Variants in EYA4 observed in about 807,000 individuals in gnomAD.
The protein encoded by EYA4 is protein phosphatase EYA4.
In EYA4, 31 loss-of-function variants were observed where a neutral mutation model predicts 87.9. That is an observed-to-expected ratio of 0.35 (90% CI 0.27 to 0.48). EYA4 has a LOEUF of 0.48. Among genes scored for constraint, EYA4 ranks in the 20% least tolerant of loss-of-function variants. The pLI is 0.99. For missense variants in EYA4, 678 were observed against 761.4 expected, an observed-to-expected ratio of 0.89 and a Z score of 1.29; for synonymous variants, 263 against 270.6, an observed-to-expected ratio of 0.97 and a Z score of 0.28.
intron 17 of EYA4, among the ~76,000 whole-genome samples, chr6:133,517,098 C>T (rs187177874): frequency 2.0e-5 from 3 of 152,244 alleles, no homozygotes; most frequent in African/African-American, 7.2e-5. Flanking sequence ...GCCACACTGC[C>T]TTCCACAATG....
In EYA4 at chr6:133,468,630, A is replaced by G. The variant is rs1795052577; in HGVS notation, c.869A>G (p.Tyr290Cys). The G allele has an allele frequency of 6.2e-7, 1 of 1,612,678 alleles. No homozygotes were observed. The highest frequency in any genetic ancestry group is 8.5e-7 in the Non-Finnish European group (1 of 1,178,928). Residue 290 changes from tyrosine to cysteine, a missense_variant, in exon 11 of 20, where the codon TAT becomes TGT. Physicochemically the swap from Tyr to Cys is radical, Grantham distance 194 (BLOSUM62 -2). Transcript: ENST00000355286. ...QYAQYYSASTYGAYMTSNNTA... is the reference protein window; with the variant it reads ...QYAQYYSASTCGAYMTSNNTA... ...GCACAGTATTATTCAGCATCAACGT[A>G]TGGAGCGTATATGACATCGAATAAC...
In EYA4 at chr6:133,443,584, C is replaced by G. The variant is rs139198066; in HGVS notation, c.84-3046C>G. ...CCTTTTGTTTAATTTCCTTTTCTTC[C>G]TCTAGTTTCTTAAAGTGGAAACTTA... On this transcript the variant is annotated intron_variant, in intron 3 of 19. Transcript: ENST00000355286. Among the ~76,000 whole-genome samples, 254 of 151,956 alleles carry G rather than the reference C, an allele frequency of 1.7e-3. 1 individual carries two copies. The highest frequency in any genetic ancestry group is 5.8e-3 in the African/African-American group (239 of 41,496).
At chr6:133,249,356 G>T (rs936422453) in intron 1 of EYA4, among the ~76,000 whole-genome samples, 1 of 152,132 alleles carries the variant, frequency 6.6e-6, no homozygotes, top group Admixed American at 6.5e-5. Context: ...TCTCCTGGGG[G>T]CCCATTCTGG....
At chr6:133,434,472 C>CT (rs918019870) in intron 3 of EYA4, among the ~76,000 whole-genome samples, 9 of 151,942 alleles carry the variant, frequency 5.9e-5, no homozygotes, top group African/African-American at 1.9e-4. Flanking sequence ...CCTTTGGATA[C>CT]TTTTTTTTGT....
intron 14 of EYA4, 80 bp downstream of exon 14, chr6:133,506,275 A>C: frequency 1.3e-6 from 1 of 777,256 alleles, no homozygotes; most frequent in East Asian, 2.6e-5. Context: ...GATAACCTCG[A>C]GAAAACAGAA....
intron 1 of EYA4, among the ~76,000 whole-genome samples, chr6:133,246,458 T>C (rs75083518): frequency 1.3e-5 from 2 of 152,064 alleles, no homozygotes; most frequent in Non-Finnish European, 2.9e-5. Context: ...TTTTTTTTTT[T>C]CTGCACAGGT....
intron 3 of EYA4, chr6:133,435,541 C>G (rs908145548): frequency 6.6e-6 from 1 of 152,174 alleles, no homozygotes; most frequent in Non-Finnish European, 1.5e-5. Context: ...GACACTGTGC[C>G]GCGGAGAGGA....
chr6:133,310,266 T>G (rs943474747), intron 2 of EYA4, among the ~76,000 whole-genome samples: 1 of 152,190 alleles, frequency 6.6e-6, no homozygotes, highest in African/African-American at 2.4e-5. Flanking sequence ...GCCTTGTTAT[T>G]TCGCATCTGT....
intron 2 of EYA4, among the ~76,000 whole-genome samples, chr6:133,276,901 CAA>C (rs3065337): frequency 0.037 from 4,995 of 133,648 alleles, 97 homozygotes; most frequent in Admixed American, 0.051. Flanking sequence ...ATAGAAATGT[CAA>C]AAAAAAAAAA....
chr6:133,336,279 A>C (rs1484636390), intron 2 of EYA4, among the ~76,000 whole-genome samples: 1 of 152,218 alleles, frequency 6.6e-6, no homozygotes, highest in Non-Finnish European at 1.5e-5. Flanking sequence ...CTTTACAGTG[A>C]TAATATATCA....
At chr6:133,464,561 G>T (rs1794681615) in intron 9 of EYA4, among the ~76,000 whole-genome samples, 1 of 152,070 alleles carries the variant, frequency 6.6e-6, no homozygotes. Flanking sequence ...GTTCCCATGT[G>T]CTTCTGTTTA....
chr6:133,491,112 T>C (rs1014192325), intron 13 of EYA4, among the ~76,000 whole-genome samples: 8 of 151,872 alleles, frequency 5.3e-5, no homozygotes, highest in Non-Finnish European at 1.0e-4. Flanking sequence ...GACCAATGGG[T>C]CAATGAAAAA....
chr6:133,378,926 G>GGTGTGT (rs10681162), intron 2 of EYA4, among the ~76,000 whole-genome samples: 4,788 of 141,774 alleles, frequency 0.034, 211 homozygotes, highest in African/African-American at 0.1. Context: ...TTTCTGTCTT[G>GGTGTGT]GTGTGTGTGT....
Position 133,274,786 on chromosome 6 carries a change from A to C in EYA4, c.6A>C (p.Glu2Asp), listed in dbSNP as rs746916198. 1 of 1,613,770 alleles carries C rather than the reference A, an allele frequency of 6.2e-7. No individual in the cohort carries two copies. ...AGGAGAAGTGAGAAAACCACATGGA[A>C]GACTCCCAGGATTTAAATGAACAAT... The part of the protein sequence containing the change: M[E>D]DSQDLNEQSV... The change falls in exon 2 of 20, where the codon GAA (glutamate) becomes GAC (aspartate). Residue 2 changes from glutamate (E) to aspartate (D), a missense_variant. Glu to Asp is a conservative substitution (Grantham distance 45). Coordinates refer to ENST00000355286, the MANE Select transcript of EYA4 (RefSeq NM_004100.5).
chr6:133,484,632 C>G (rs541746905), intron 13 of EYA4, among the ~76,000 whole-genome samples: 4 of 152,280 alleles, frequency 2.6e-5, no homozygotes, highest in Non-Finnish European at 4.4e-5. Context: ...AAAAAGTTTC[C>G]AGACTATAAT....
chr6:133,320,481 T>C (rs538421141), intron 2 of EYA4, among the ~76,000 whole-genome samples: 1 of 48,986 alleles, frequency 2.0e-5, no homozygotes, highest in Admixed American at 1.6e-4. Context: ...ATTTTACTTG[T>C]TTTTTTTTCT....
chr6:133,281,874 G>GTT (rs1330956074), intron 2 of EYA4, among the ~76,000 whole-genome samples: 1 of 148,156 alleles, frequency 6.7e-6, no homozygotes, highest in Non-Finnish European at 1.5e-5. Context: ...TGTGGTATTT[G>GTT]TTTTTTTTTT....
chr6:133,525,040 A>G (rs2128816816), intron 18 of EYA4, 114 bp from the exon 19 acceptor site: 2 of 1,613,642 alleles, frequency 1.2e-6, no homozygotes, highest in East Asian at 2.2e-5. Context: ...TTGAGCGTAT[A>G]GTGTCCAGAT....
intron 3 of EYA4, among the ~76,000 whole-genome samples, chr6:133,409,628 A>G (rs913321597): frequency 1.3e-5 from 2 of 152,162 alleles, no homozygotes; most frequent in African/African-American, 2.4e-5. Context: ...TGTGGAATCT[A>G]AAAATAAAAA....
Sources: allele counts gnomAD v4.1 joint callset (sites outside exome capture counted in the v4.1 genomes callset), GRCh38; gene constraint gnomAD v4.1.1; transcripts MANE v1.5; gene names NCBI Gene and HGNC (gene_info 2026-07-23, HGNC 2026-07-21).